PYY: variants seen among roughly 807,000 people sequenced by gnomAD.
PYY encodes the protein peptide YY.
A neutral mutation model predicts 10.3 loss-of-function variants in PYY; 12 were observed. The ratio of observed to expected loss-of-function variants is 1.17; its 90% CI spans 0.75 to 1.89. The LOEUF is 1.89. PYY is among the 40% of genes most tolerant of loss of function. PYY has a pLI of 0.00. For missense variants in PYY, 141 were observed against 134.0 expected, an observed-to-expected ratio of 1.05 and a Z score of -0.26; for synonymous variants, 66 against 62.0, an observed-to-expected ratio of 1.06 and a Z score of -0.30.
At chr17:43,977,184 G>C (rs1203390935) in intron 1 of PYY, among the ~76,000 whole-genome samples, 1 of 152,200 alleles carries the variant, frequency 6.6e-6, no homozygotes, top group Admixed American at 6.5e-5. Context: ...GGCAGGGAGA[G>C]GGAGGGGGAG....
At chr17:44,001,164 A>G (rs1449823238) in intron 1 of PYY, among the ~76,000 whole-genome samples, 1 of 152,012 alleles carries the variant, frequency 6.6e-6, no homozygotes, top group Non-Finnish European at 1.5e-5. Flanking sequence ...ACCCTGGCCA[A>G]TTCCTGTCAC....
chr17:43,997,307 G>GA (rs2048998108), intron 1 of PYY, among the ~76,000 whole-genome samples: 1 of 152,146 alleles, frequency 6.6e-6, no homozygotes, highest in African/African-American at 2.4e-5. Flanking sequence ...CCGAAGTGCT[G>GA]AGATTACAGG....
chr17:43,979,886 C>A (rs1457332408), intron 1 of PYY, among the ~76,000 whole-genome samples: 2 of 152,014 alleles, frequency 1.3e-5, no homozygotes, highest in Admixed American at 1.3e-4. Flanking sequence ...CCATAAATGT[C>A]AAAACACATT....
chr17:43,979,135 T>C (rs1296901536), intron 1 of PYY, among the ~76,000 whole-genome samples: 1 of 152,136 alleles, frequency 6.6e-6, no homozygotes, highest in African/African-American at 2.4e-5. Context: ...CTTGATGTGT[T>C]TCCAGCAGTT....
intron 1 of PYY, among the ~76,000 whole-genome samples, chr17:43,999,280 G>T (rs2049010245): frequency 6.6e-6 from 1 of 152,142 alleles, no homozygotes; most frequent in African/African-American, 2.4e-5. Context: ...AGGGGTGGGG[G>T]AGATGGCCTA....
At chr17:43,953,756 T>G in intron 1 of PYY, 94 bp downstream of exon 1, 1 of 314,440 alleles carries the variant, frequency 3.2e-6, no homozygotes, top group Non-Finnish European at 5.8e-6. Flanking sequence ...CCAATCCAGT[T>G]TCCTACCACT....
At chr17:43,964,883 T>C (rs557199644) in intron 2 of PYY, among the ~76,000 whole-genome samples, 2 of 152,340 alleles carry the variant, frequency 1.3e-5, no homozygotes, top group South Asian at 2.1e-4. Context: ...CTGTGTAATA[T>C]AGATCAAACA....
intron 1 of PYY, among the ~76,000 whole-genome samples, chr17:43,988,407 G>A (rs1239650604): frequency 1.3e-5 from 2 of 152,162 alleles, no homozygotes; most frequent in African/African-American, 2.4e-5. Flanking sequence ...TCATAAAAGC[G>A]TAACTGAAAT....
upstream of PYY, among the ~76,000 whole-genome samples, chr17:43,954,580 A>G (rs976500990): frequency 1.3e-5 from 2 of 152,152 alleles, no homozygotes; most frequent in African/African-American, 4.8e-5. Flanking sequence ...AGGCAGGAGG[A>G]GGCAGAAACC....
chr17:43,995,343 G>A (rs1429633032), intron 1 of PYY, among the ~76,000 whole-genome samples: 4 of 152,120 alleles, frequency 2.6e-5, no homozygotes, highest in African/African-American at 9.7e-5. Context: ...GGTTTGGTTT[G>A]GTTTGGTTAT....
chr17:43,986,451 T>C (rs977469406), intron 1 of PYY, among the ~76,000 whole-genome samples: 3 of 151,766 alleles, frequency 2.0e-5, no homozygotes, highest in East Asian at 1.9e-4. Flanking sequence ...GACTGGGTCA[T>C]GTGGCTTCCT....
chr17:43,982,992 G>A (rs564041996), intron 1 of PYY, among the ~76,000 whole-genome samples: 2 of 152,324 alleles, frequency 1.3e-5, no homozygotes, highest in South Asian at 2.1e-4. Flanking sequence ...AACACTTTGG[G>A]AGGCCAAGGT....
At position 43,953,924 on chromosome 17, in the gene PYY, A is replaced by C. The variant is rs2143886151; in HGVS notation, c.-75T>G. On this transcript the variant is annotated 5_prime_UTR_variant, in exon 1 of 4. Coordinates refer to ENST00000692052, the MANE Select transcript of PYY (RefSeq NM_001394028.1). ...CCCAAGGGCTGCACTGCCGCAGGTCAAGCTGAGGCCTCCTCTGCTCAGCGC... is the reference window on the plus strand; with the variant it reads ...CCCAAGGGCTGCACTGCCGCAGGTCCAGCTGAGGCCTCCTCTGCTCAGCGC... 6.3e-6 allele frequency: 1 copy of C among 157,884 alleles called. No individual in the cohort carries two copies. The highest frequency in any genetic ancestry group is 1.4e-5 in the Non-Finnish European group (1 of 70,590). The allele number at this position is 157,884 out of a possible 1,614,324, so 9.8% of individuals were successfully genotyped here. A position where few individuals can be genotyped will look rare whatever the true frequency, so the allele number is the denominator to read the frequency against.
At chr17:43,994,658 G>A (rs2143961191) in intron 1 of PYY, among the ~76,000 whole-genome samples, 1 of 152,230 alleles carries the variant, frequency 6.6e-6, no homozygotes, top group South Asian at 2.1e-4. Flanking sequence ...CCTCCTCCGT[G>A]GCTCAGCCTG....
chr17:43,967,128 ATC>A (rs2048760165), intron 1 of PYY, among the ~76,000 whole-genome samples: 1 of 151,858 alleles, frequency 6.6e-6, no homozygotes, highest in South Asian at 2.1e-4. Flanking sequence ...CATGGTGAAA[ATC>A]TGTCTCTACT....
At chr17:44,000,929 AG>A (rs2063057087) in intron 1 of PYY, among the ~76,000 whole-genome samples, 1 of 152,126 alleles carries the variant, frequency 6.6e-6, no homozygotes, top group Non-Finnish European at 1.5e-5. Flanking sequence ...TATGGTGTAC[AG>A]GGGCATTCCT....
chr17:43,985,850 A>G (rs982537761), intron 1 of PYY, among the ~76,000 whole-genome samples: 1 of 152,236 alleles, frequency 6.6e-6, no homozygotes, highest in African/African-American at 2.4e-5. Context: ...TATTTATGAA[A>G]TATGATTTTA....
At chr17:43,965,122 T>C (rs992190069) in intron 2 of PYY, among the ~76,000 whole-genome samples, 1 of 150,500 alleles carries the variant, frequency 6.6e-6, no homozygotes, top group African/African-American at 2.4e-5. Context: ...TAGTCTTTTT[T>C]TTCTTTCCTT....
At chr17:43,993,496 C>T (rs2048971542) in intron 1 of PYY, among the ~76,000 whole-genome samples, 1 of 150,172 alleles carries the variant, frequency 6.7e-6, no homozygotes, top group South Asian at 2.1e-4. Context: ...CATGGTGGGG[C>T]ACATCTGTCA....
Sources: allele counts gnomAD v4.1 joint callset (sites outside exome capture counted in the v4.1 genomes callset), GRCh38; gene constraint gnomAD v4.1.1; transcripts MANE v1.5; gene names NCBI Gene and HGNC (gene_info 2026-07-23, HGNC 2026-07-21).